Variants in CDKAL1 observed in about 807,000 individuals in gnomAD.
The protein encoded by CDKAL1 is threonylcarbamoyladenosine tRNA methylthiotransferase.
CDKAL1 carries 32 observed loss-of-function variants against 68.2 expected under a neutral mutation model. The observed-to-expected ratio is 0.47, with a 90% CI of 0.35 to 0.63. CDKAL1 has a LOEUF of 0.63. CDKAL1 is among the 30% of genes least tolerant of loss of function. CDKAL1 has a pLI of 0.00. For missense variants in CDKAL1, 606 were observed against 696.7 expected (o/e 0.87, Z 1.47); for synonymous variants, 234 against 244.3 (o/e 0.96, Z 0.39).
intron 15 of CDKAL1, among the ~76,000 whole-genome samples, chr6:21,214,960 C>T (rs997068081): frequency 1.3e-5 from 2 of 152,108 alleles, no homozygotes; most frequent in African/African-American, 4.8e-5. Context: ...GACTGCAAGA[C>T]CAAAAAGCTG....
At chr6:20,952,424 T>A (rs1171176309) in intron 9 of CDKAL1, among the ~76,000 whole-genome samples, 1 of 152,182 alleles carries the variant, frequency 6.6e-6, no homozygotes, top group South Asian at 2.1e-4. Flanking sequence ...GACTGTCCCA[T>A]TGTATCCCCA....
chr6:21,096,034 T>G (rs1773296391), intron 12 of CDKAL1, among the ~76,000 whole-genome samples: 1 of 152,174 alleles, frequency 6.6e-6, no homozygotes, highest in Non-Finnish European at 1.5e-5. Context: ...AGGTGCTAAA[T>G]TAGATGTAGA....
At chr6:20,775,666 A>T (rs951301626) in intron 7 of CDKAL1, among the ~76,000 whole-genome samples, 2 of 152,150 alleles carry the variant, frequency 1.3e-5, no homozygotes, top group South Asian at 4.1e-4. Flanking sequence ...CCTTTAAGAC[A>T]TCTCTTTCAG....
At chr6:21,136,252 AAT>A (rs1377715386) in intron 13 of CDKAL1, among the ~76,000 whole-genome samples, 1 of 152,228 alleles carries the variant, frequency 6.6e-6, no homozygotes, top group Non-Finnish European at 1.5e-5. Flanking sequence ...AATAGGACTC[AAT>A]AGTCTTTATA....
intron 13 of CDKAL1, among the ~76,000 whole-genome samples, chr6:21,140,867 G>A (rs1052303743): frequency 2.0e-5 from 3 of 152,166 alleles, no homozygotes; most frequent in Non-Finnish European, 4.4e-5. Context: ...CACATGGCTG[G>A]GGAGGCCTCC....
At chr6:20,950,138 A>G (rs1764452600) in intron 9 of CDKAL1, among the ~76,000 whole-genome samples, 2 of 152,074 alleles carry the variant, frequency 1.3e-5, no homozygotes, top group Non-Finnish European at 2.9e-5. Context: ...GGCAGAGGAA[A>G]CAGCATGGGC....
At chr6:20,717,030 T>C (rs1038985612) in intron 5 of CDKAL1, among the ~76,000 whole-genome samples, 3 of 152,004 alleles carry the variant, frequency 2.0e-5, no homozygotes, top group Non-Finnish European at 2.9e-5. Context: ...GAAATTGAGT[T>C]AGATGAAGAC....
In CDKAL1 at chr6:20,913,083, C is replaced by T. The variant is rs1378261435; in HGVS notation, c.743-42336C>T. ...TAGGAGATGTATCAGTCAGGGATCT[C>T]CAGAGAAATAGAACCATTGAACCAC... On this transcript the variant is annotated intron_variant, in intron 9 of 15. Transcript: ENST00000274695. Among the ~76,000 whole-genome samples, 3 of 147,088 alleles carry T rather than the reference C, an allele frequency of 2.0e-5. No homozygotes were observed. In the Admixed American group the frequency reaches 2.1e-4, roughly 10 times the overall value.
intron 13 of CDKAL1, among the ~76,000 whole-genome samples, chr6:21,177,409 C>T (rs894258831): frequency 6.6e-6 from 1 of 152,164 alleles, no homozygotes; most frequent in African/African-American, 2.4e-5. Context: ...TTATCAAATA[C>T]ATTAAGAACT....
At chr6:20,956,167 A>T (rs2150728534) in intron 10 of CDKAL1, among the ~76,000 whole-genome samples, 1 of 152,342 alleles carries the variant, frequency 6.6e-6, no homozygotes, top group South Asian at 2.1e-4. Flanking sequence ...TGAATACATG[A>T]CATTTTCTTT....
intron 13 of CDKAL1, among the ~76,000 whole-genome samples, chr6:21,167,222 G>A (rs1166971791): frequency 6.6e-6 from 1 of 152,154 alleles, no homozygotes; most frequent in Non-Finnish European, 1.5e-5. Context: ...TTGAGCCCGT[G>A]AGAAAGAGTT....
chr6:20,708,319 A>G (rs1771693077), intron 5 of CDKAL1, among the ~76,000 whole-genome samples: 1 of 152,058 alleles, frequency 6.6e-6, no homozygotes, highest in Non-Finnish European at 1.5e-5. Context: ...CACTTTAGAA[A>G]TTTTCTTTCA....
At chr6:21,098,055 G>A (rs1773402723) in intron 12 of CDKAL1, among the ~76,000 whole-genome samples, 1 of 152,186 alleles carries the variant, frequency 6.6e-6, no homozygotes, top group South Asian at 2.1e-4. Context: ...GAGTTCAGTG[G>A]CCTCATCCAG....
intron 5 of CDKAL1, among the ~76,000 whole-genome samples, chr6:20,693,685 A>G (rs1024176283): frequency 2.0e-5 from 3 of 152,208 alleles, no homozygotes; most frequent in Non-Finnish European, 4.4e-5. Context: ...AGACCACAGA[A>G]ATACTTTTGC....
intron 12 of CDKAL1, among the ~76,000 whole-genome samples, chr6:21,092,120 T>C (rs1773058916): frequency 6.7e-6 from 1 of 149,862 alleles, no homozygotes; most frequent in Non-Finnish European, 1.5e-5. Context: ...TCTCCTGACC[T>C]CGTGATCCGC....
chr6:21,095,749 C>T (rs570713559), intron 12 of CDKAL1, among the ~76,000 whole-genome samples: 4 of 152,088 alleles, frequency 2.6e-5, no homozygotes, highest in South Asian at 2.1e-4. Context: ...GACATAAAGA[C>T]GAGAGAATGG....
chr6:21,002,473 A>G (rs1002924164), intron 11 of CDKAL1, among the ~76,000 whole-genome samples: 1 of 152,164 alleles, frequency 6.6e-6, no homozygotes, highest in Non-Finnish European at 1.5e-5. Flanking sequence ...GTCAGTTAGC[A>G]TCTCTGAGAG....
intron 11 of CDKAL1, among the ~76,000 whole-genome samples, chr6:21,014,931 T>C (rs562617695): frequency 7.6e-4 from 116 of 152,340 alleles, no homozygotes; most frequent in African/African-American, 2.7e-3. Flanking sequence ...TTTTTTCTAA[T>C]ATCAAACAGG....
intron 6 of CDKAL1, among the ~76,000 whole-genome samples, chr6:20,747,959 C>A (rs1773732099): frequency 6.6e-6 from 1 of 152,178 alleles, no homozygotes; most frequent in Admixed American, 6.5e-5. Context: ...AGAGTTTTCT[C>A]CCAGGAATTT....
Sources: allele counts gnomAD v4.1 joint callset (sites outside exome capture counted in the v4.1 genomes callset), GRCh38; gene constraint gnomAD v4.1.1; transcripts MANE v1.5; gene names NCBI Gene and HGNC (gene_info 2026-07-23, HGNC 2026-07-21).